Variants in FAM184A observed in about 807,000 individuals in gnomAD.
FAM184A encodes family with sequence similarity 184 member A, also known as protein FAM184A.
FAM184A carries 99 observed loss-of-function variants against 143.8 expected under a neutral mutation model. The observed-to-expected ratio is 0.69, with a 90% confidence interval of 0.58 to 0.81. The LOEUF (loss-of-function observed/expected upper bound fraction) is 0.81, where lower values mean the gene tolerates loss of function less well. FAM184A is among the 40% of genes least tolerant of loss of function. The pLI is 0.00. For synonymous variants in FAM184A, 427 were observed against 446.4 expected (o/e 0.96, Z 0.55); for missense variants, 1,217 against 1,310.5 (o/e 0.93, Z 1.10).
At chr6:119,018,734 A>G (rs1785348013) in intron 4 of FAM184A, among the ~76,000 whole-genome samples, 1 of 152,198 alleles carries the variant, frequency 6.6e-6, no homozygotes, top group Admixed American at 6.5e-5. Context: ...GCAAGCAATG[A>G]CACGTGCCTA....
At chr6:119,132,840 A>C (rs1245739588) in intron 1 of FAM184A, among the ~76,000 whole-genome samples, 1 of 152,242 alleles carries the variant, frequency 6.6e-6, no homozygotes, top group Admixed American at 6.5e-5. Context: ...GATTTCAATT[A>C]ACTTTTCCCT....
At chr6:119,016,992 C>T in intron 4 of FAM184A, 48 bp from the exon 5 acceptor site, 1 of 1,320,798 alleles carries the variant, frequency 7.6e-7, no homozygotes, top group Non-Finnish European at 1.1e-6. Context: ...TTTTTCATTA[C>T]TGTTATTAGG....
intron 1 of FAM184A, among the ~76,000 whole-genome samples, chr6:119,033,359 G>T (rs765135059): frequency 6.6e-6 from 1 of 152,064 alleles, no homozygotes; most frequent in Non-Finnish European, 1.5e-5. Flanking sequence ...TGGATGACAG[G>T]ATCAATCACT....
intron 1 of FAM184A, among the ~76,000 whole-genome samples, chr6:119,059,386 AT>A (rs1490682767): frequency 6.6e-6 from 1 of 152,260 alleles, no homozygotes; most frequent in East Asian, 1.9e-4. Context: ...CTTCACTTTA[AT>A]AAACATTCCA....
intron 1 of FAM184A, among the ~76,000 whole-genome samples, chr6:119,070,370 C>T (rs1787636866): frequency 6.6e-6 from 1 of 152,072 alleles, no homozygotes; most frequent in Admixed American, 6.5e-5. Context: ...AAAGGTTAAG[C>T]ATACCAAAAT....
chr6:119,112,985 G>T (rs1387875756), intron 1 of FAM184A, among the ~76,000 whole-genome samples: 1 of 152,144 alleles, frequency 6.6e-6, no homozygotes, highest in East Asian at 1.9e-4. Flanking sequence ...GCTGCAGAAG[G>T]GAGGGGAAGG....
chr6:119,034,041 TA>T (rs1786014178), intron 1 of FAM184A, among the ~76,000 whole-genome samples: 2 of 42,006 alleles, frequency 4.8e-5, no homozygotes, highest in Non-Finnish European at 7.7e-5. Context: ...TATATATATA[TA>T]GAGAGAGAGA....
chr6:119,034,793 T>G (rs560663945), intron 1 of FAM184A, among the ~76,000 whole-genome samples: 6 of 152,320 alleles, frequency 3.9e-5, no homozygotes, highest in Middle Eastern at 3.4e-3. Context: ...TCAGGGCACA[T>G]TTCATCAGTG....
intron 14 of FAM184A, among the ~76,000 whole-genome samples, chr6:118,972,642 C>G (rs1783730359): frequency 6.6e-6 from 1 of 152,108 alleles, no homozygotes; most frequent in Non-Finnish European, 1.5e-5. Context: ...TATTTGCTAC[C>G]TACTGAAGAT....
At chr6:118,982,316 C>T (rs1385733354) in intron 9 of FAM184A, among the ~76,000 whole-genome samples, 1 of 152,180 alleles carries the variant, frequency 6.6e-6, no homozygotes, top group African/African-American at 2.4e-5. Context: ...AGCACCTACC[C>T]CCTCTCTTTG....
At chr6:119,046,681 A>G (rs759359293) in intron 1 of FAM184A, among the ~76,000 whole-genome samples, 7 of 152,180 alleles carry the variant, frequency 4.6e-5, no homozygotes, top group Non-Finnish European at 8.8e-5. Context: ...TATGACTAAC[A>G]TTTCTTTAGT....
rs1445121850 is a variant in FAM184A, at chr6:119,078,423, G to A, written c.-124C>T. ...CCGACCCGACACCCGGCGCCCCCCA[G>A]ACTCGGCCGCAGGCGCCGTCCCACC... On this transcript the variant is annotated 5_prime_UTR_variant, in exon 1 of 18. Coordinates refer to ENST00000338891, the MANE Select transcript of FAM184A (RefSeq NM_024581.6). The surrounding 1 kb of genome is among the most constrained non-coding windows in gnomAD (Gnocchi z 5.5). 3 of 1,032,480 alleles carry A rather than the reference G, an allele frequency of 2.9e-6. No individual in the cohort carries two copies. The highest frequency in any genetic ancestry group is 2.1e-5 in the South Asian group (1 of 47,060). The allele number at this position is 1,032,480 out of a possible 1,614,324, so 64.0% of individuals were successfully genotyped here. A position where few individuals can be genotyped will look rare whatever the true frequency, so the allele number is the denominator to read the frequency against.
Position 118,964,722 on chromosome 6 carries a change from AAGTT to A in FAM184A, c.3079_3082del (p.Asn1027SerfsTer33). 6.2e-7 allele frequency: 1 copy of A among 1,610,236 alleles called. No homozygotes were observed. Among genetic ancestry groups the A allele is most frequent in the Non-Finnish European group, 8.5e-7 (1 of 1,177,272 alleles). The stretch of plus-strand genomic sequence containing the variant: ...AGGACTTGAGTTAAACACTTTGTTG[AAGTT>A]AGTTTCTCGATTGACTAATTCCAGC... On this transcript the variant is annotated frameshift_variant, in exon 16 of 18. Coordinates refer to ENST00000338891, the MANE Select transcript of FAM184A (RefSeq NM_024581.6). LOFTEE classifies it high-confidence loss of function.
intron 1 of FAM184A, among the ~76,000 whole-genome samples, chr6:119,104,819 A>G (rs1788736376): frequency 6.6e-6 from 1 of 152,158 alleles, no homozygotes; most frequent in African/African-American, 2.4e-5. Flanking sequence ...ACCCAATACT[A>G]CCTCAACTAG....
At chr6:119,046,799 T>C (rs1393451847) in intron 1 of FAM184A, among the ~76,000 whole-genome samples, 1 of 152,112 alleles carries the variant, frequency 6.6e-6, no homozygotes, top group African/African-American at 2.4e-5. Context: ...CATTATATGG[T>C]ATATCATAGC....
intron 1 of FAM184A, among the ~76,000 whole-genome samples, chr6:119,047,023 C>A (rs1011435541): frequency 1.3e-5 from 2 of 148,286 alleles, no homozygotes; most frequent in African/African-American, 4.9e-5. Context: ...GCTCAAAAAA[C>A]GCTACAGGAA....
intron 11 of FAM184A, among the ~76,000 whole-genome samples, chr6:118,976,633 C>T (rs966373684): frequency 1.3e-5 from 2 of 150,398 alleles, no homozygotes; most frequent in African/African-American, 4.9e-5. Context: ...CATTGCACTC[C>T]AGCCTGGGCA....
Position 119,078,210 on chromosome 6 carries a change from A to C in FAM184A, c.90T>G (p.Ala30=). ...CCTGGCTGTAGTCCATGCTGTGCCC[A>C]GCCAGCTGTGCGGTGGCCGGCGAGG... ...FAPSPATAQL[A]GHSMDYSQEM... is the part of the protein sequence containing the mutation. The change falls in exon 1 of 18, where the codon GCT becomes GCG. Residue 30 remains alanine, a synonymous_variant. Coordinates refer to ENST00000338891, the MANE Select transcript of FAM184A (RefSeq NM_024581.6). This position sits in a 1 kb window ranked among gnomAD's most constrained non-coding sequence, Gnocchi z 5.5. 6.4e-7 allele frequency: 1 copy of C among 1,568,454 alleles called. No individual in the cohort carries two copies. Among genetic ancestry groups the C allele is most frequent in the Middle Eastern group, 1.7e-4 (1 of 6,004 alleles).
At chr6:118,982,066 G>C (rs1241628081) in intron 9 of FAM184A, among the ~76,000 whole-genome samples, 1 of 152,152 alleles carries the variant, frequency 6.6e-6, no homozygotes, top group Non-Finnish European at 1.5e-5. Context: ...AATGTGATAT[G>C]CGCATAAGAA....
Sources: gnomAD v4.1 joint callset for allele counts (sites outside exome capture counted in the v4.1 genomes callset) on GRCh38, gnomAD v4.1.1 for gene constraint, Gnocchi (gnomAD v3.1) non-coding constraint, MANE v1.5 for transcripts, NCBI Gene and HGNC (gene_info 2026-07-23, HGNC 2026-07-21) for gene names.